The following PCDHGB6 variants were observed in gnomAD, a reference collection of about 807,000 sequenced individuals.
PCDHGB6 encodes the protein protocadherin gamma-B6.
In PCDHGB6, 51 loss-of-function variants were observed where a neutral mutation model predicts 59.1. That is an observed-to-expected ratio of 0.86 (90% CI 0.69 to 1.09). The LOEUF is 1.09. Ranked by LOEUF, PCDHGB6 falls within the 50% of genes least tolerant of loss-of-function variation. The pLI, the probability that PCDHGB6 is intolerant of heterozygous loss-of-function variation, is 0.00. For missense variants in PCDHGB6, 1,148 were observed against 1,205.1 expected (o/e 0.95, Z 0.70); for synonymous variants, 466 against 495.1 (o/e 0.94, Z 0.78).
chr5:141,470,037 G>A lies in PCDHGB6; in HGVS notation c.2419-24770G>A, dbSNP rs76537989. Among the ~76,000 whole-genome samples the A allele has an allele frequency of 2.3e-3, 347 of 152,258 alleles. 6 individuals are homozygous for A. The East Asian group carries it at 0.048, about 21-fold the overall frequency. On this transcript the variant is annotated intron_variant, in intron 1 of 3. Transcript: ENST00000520790. ...CCAGCTACTCGGGATGCTGAGGCGC[G>A]AGAACTGTTTGAACCCCGGAGGCAG...
At chr5:141,466,655 AT>A (rs754296083) in intron 1 of PCDHGB6, among the ~76,000 whole-genome samples, 3 of 152,206 alleles carry the variant, frequency 2.0e-5, no homozygotes, top group Non-Finnish European at 4.4e-5. Context: ...TTCACAAAAC[AT>A]CAGTGATTTC....
intron 1 of PCDHGB6, chr5:141,427,984 C>T (rs754620535): frequency 1.9e-6 from 3 of 1,597,494 alleles, no homozygotes; most frequent in South Asian, 1.1e-5. Context: ...GCGCTGGGGC[C>T]CGATGGCTCC....
Position 141,419,064 on chromosome 5 carries a change from A to G in PCDHGB6, c.2418+8444A>G, listed in dbSNP as rs149057484. ...ATTCATTCTTCTTCTAATAATTACT[A>G]CAAGCTAGTAACAGATGAGGCCCTG... On this transcript the variant is annotated intron_variant, in intron 1 of 3. Transcript: ENST00000520790. 51 of 1,613,962 alleles carry G rather than the reference A, an allele frequency of 3.2e-5. No homozygotes were observed. In the African/African-American group the frequency reaches 5.9e-4, roughly 19 times the overall value.
At position 141,476,453 on chromosome 5, in the gene PCDHGB6, G is replaced by A. The variant is rs1432113874; in HGVS notation, c.2419-18354G>A. 3 of 1,614,138 alleles carry A rather than the reference G, an allele frequency of 1.9e-6. No individual in the cohort carries two copies. The East Asian group carries it at 6.7e-5, about 36-fold the overall frequency. ...CACTGTAACTCTGGAGTTGGTAGTG[G>A]AGAACCCGCTGGAGCTGTTCAGCGT... On this transcript the variant is annotated intron_variant, in intron 1 of 3. Transcript: ENST00000520790. The surrounding 1 kb of genome is among the most constrained non-coding windows in gnomAD (Gnocchi z 7.6).
Position 141,432,731 on chromosome 5 carries a change from G to C in PCDHGB6, c.2418+22111G>C, listed in dbSNP as rs1244820860. On this transcript the variant is annotated intron_variant, in intron 1 of 3. Coordinates refer to ENST00000520790, the MANE Select transcript of PCDHGB6 (RefSeq NM_018926.3). This position sits in a 1 kb window ranked among gnomAD's most constrained non-coding sequence, Gnocchi z 6.0. ...CGGCCAGCCCCCTCTCTCCGCCACT[G>C]TCACGCTCACCGTGGCCGTGGCCGA... The C allele has an allele frequency of 6.2e-7, 1 of 1,614,068 alleles. No homozygotes were observed.
Position 141,491,733 on chromosome 5 carries a change from TG to T in PCDHGB6, c.2419-3069del. 6.2e-7 allele frequency: 1 copy of T among 1,602,698 alleles called. No individual in the cohort carries two copies. Among genetic ancestry groups the T allele is most frequent in the Non-Finnish European group, 8.5e-7 (1 of 1,175,258 alleles). On this transcript the variant is annotated intron_variant, in intron 1 of 3. Coordinates refer to ENST00000520790, the MANE Select transcript of PCDHGB6 (RefSeq NM_018926.3). This position sits in a 1 kb window ranked among gnomAD's most constrained non-coding sequence, Gnocchi z 6.9. ...GCTCGGCGCCGCCCCGGGCGACCCC[TG>T]GGGGCGGCACTGGAGAAGCCGCCCG...
chr5:141,466,885 G>A (rs997982577), intron 1 of PCDHGB6, among the ~76,000 whole-genome samples: 3 of 151,938 alleles, frequency 2.0e-5, no homozygotes, highest in Non-Finnish European at 4.4e-5. Context: ...TTCATAATAT[G>A]CATTTTCCAT....
At chr5:141,414,241 C>T in intron 1 of PCDHGB6, 1 of 1,613,472 alleles carries the variant, frequency 6.2e-7, no homozygotes, top group Non-Finnish European at 8.5e-7. Context: ...CATCACGTCT[C>T]TATTTAGTCC....
intron 1 of PCDHGB6, chr5:141,420,154 T>C (rs2096470856): frequency 2.5e-6 from 4 of 1,613,948 alleles, no homozygotes; most frequent in Non-Finnish European, 2.5e-6. Flanking sequence ...ATCCAGAATT[T>C]AATTTTTTCA....
intron 1 of PCDHGB6, chr5:141,414,637 A>G: frequency 5.6e-6 from 9 of 1,613,894 alleles, no homozygotes; most frequent in Non-Finnish European, 6.8e-6. Context: ...CAGCAAAGAG[A>G]ATGCCCAGAT....
chr5:141,410,909 A>G lies in PCDHGB6; in HGVS notation c.2418+289A>G, dbSNP rs183334545. Reference sequence around the variant, plus strand: ...CGCACTGTTGCCTAGGCTGGAGTGCAGTGGCGTGATCTCTGCTCACTGCAA... The same window carrying G: ...CGCACTGTTGCCTAGGCTGGAGTGCGGTGGCGTGATCTCTGCTCACTGCAA... On this transcript the variant is annotated intron_variant, in intron 1 of 3. Coordinates refer to ENST00000520790, the MANE Select transcript of PCDHGB6 (RefSeq NM_018926.3). 188 of 259,978 alleles carry G rather than the reference A, an allele frequency of 7.2e-4. 1 individual carries two copies. Among genetic ancestry groups the G allele is most frequent in the African/African-American group, 5.3e-3 (172 of 32,394 alleles). The allele number at this position is 259,978 out of a possible 1,614,324, so 16.1% of individuals were successfully genotyped here.
intron 1 of PCDHGB6, chr5:141,468,330 C>CAAAAAAAAAAAAAAAAGAAAAAAAAAAA (rs2099163578): frequency 1.3e-5 from 1 of 79,888 alleles, no homozygotes; most frequent in African/African-American, 3.9e-5. Flanking sequence ...AACTCCATCT[C>CAAAAAAAAAAAAAAAAGAAAAAAAAAAA]AAAAAAAAAA....
At position 141,489,947 on chromosome 5, in the gene PCDHGB6, A is replaced by G. The variant is rs368977481; in HGVS notation, c.2419-4860A>G. The G allele has an allele frequency of 5.4e-5, 87 of 1,614,090 alleles. No individual in the cohort carries two copies. Among genetic ancestry groups the G allele is most frequent in the South Asian group, 6.6e-5 (6 of 91,094 alleles). ...ATCTCTGTCATCGTGCTGGACATCA[A>G]TGATAATGCTCCAACCTTCCAATCC... On this transcript the variant is annotated intron_variant, in intron 1 of 3. Transcript: ENST00000520790. This position sits in a 1 kb window ranked among gnomAD's most constrained non-coding sequence, Gnocchi z 4.5.
Position 141,476,267 on chromosome 5 carries a change from G to A in PCDHGB6, c.2419-18540G>A, listed in dbSNP as rs373758158. The A allele has an allele frequency of 6.8e-6, 11 of 1,613,938 alleles. No homozygotes were observed. Among genetic ancestry groups the A allele is most frequent in the African/African-American group, 1.3e-5 (1 of 74,884 alleles). On this transcript the variant is annotated intron_variant, in intron 1 of 3. Transcript: ENST00000520790. The surrounding 1 kb of genome is among the most constrained non-coding windows in gnomAD (Gnocchi z 7.6). ...GAAGGGTTTCGCTGTGGGCAACGTG[G>A]TCGCGAACCTTGGTTTGGATCTCGG...
chr5:141,478,011 G>A (rs1216659966), intron 1 of PCDHGB6: 1 of 1,614,088 alleles, frequency 6.2e-7, no homozygotes, highest in East Asian at 2.2e-5. Flanking sequence ...AGTACTGCCC[G>A]TCCAGTCCAA....
At chr5:141,419,542 G>C (rs771168003) in intron 1 of PCDHGB6, 3 of 1,612,016 alleles carry the variant, frequency 1.9e-6, no homozygotes, top group South Asian at 2.2e-5. Flanking sequence ...ACGCACCGCG[G>C]GTGCTGTACC....
intron 2 of PCDHGB6, among the ~76,000 whole-genome samples, chr5:141,499,112 A>G (rs550424495): frequency 6.6e-6 from 1 of 152,238 alleles, no homozygotes; most frequent in African/African-American, 2.4e-5. Context: ...CCCCACCACT[A>G]TCCCTTCTCA....
At position 141,423,722 on chromosome 5, in the gene PCDHGB6, G is replaced by A. The variant is rs541297269; in HGVS notation, c.2418+13102G>A. Reference sequence around the variant, plus strand: ...CTTGGCACAAGTCTTTTAAGGAGATGTTTTTTGAGCCTGTTATGAAAACTG... The same window carrying A: ...CTTGGCACAAGTCTTTTAAGGAGATATTTTTTGAGCCTGTTATGAAAACTG... On this transcript the variant is annotated intron_variant, in intron 1 of 3. Coordinates refer to ENST00000520790, the MANE Select transcript of PCDHGB6 (RefSeq NM_018926.3). 5 of 954,184 alleles carry A rather than the reference G, an allele frequency of 5.2e-6. No individual in the cohort carries two copies. In the African/African-American group the frequency reaches 6.3e-5, roughly 12 times the overall value. The allele number at this position is 954,184 out of a possible 1,614,324, so 59.1% of individuals were successfully genotyped here.
Position 141,507,461 on chromosome 5 carries a change from G to A in PCDHGB6, c.2566+1980G>A, listed in dbSNP as rs145114393. On this transcript the variant is annotated intron_variant, in intron 3 of 3. Coordinates refer to ENST00000520790, the MANE Select transcript of PCDHGB6 (RefSeq NM_018926.3). ...AGCTGACGGAAGGACAGAGAGAGAG[G>A]TGGCAGGGACTGCTGGCCTCCTGAG... Among the ~76,000 whole-genome samples the A allele has an allele frequency of 3.8e-3, 581 of 152,330 alleles. 5 individuals are homozygous for A. Among genetic ancestry groups the A allele is most frequent in the African/African-American group, 0.012 (485 of 41,570 alleles).
Sources: allele counts gnomAD v4.1 joint callset (sites outside exome capture counted in the v4.1 genomes callset), GRCh38; gene constraint gnomAD v4.1.1; non-coding constraint Gnocchi (gnomAD v3.1); transcripts MANE v1.5; gene names NCBI Gene and HGNC (gene_info 2026-07-23, HGNC 2026-07-21).